LGALS9: variants seen among roughly 807,000 people sequenced by gnomAD.
LGALS9 encodes the protein galectin-9.
A neutral mutation model predicts 35.9 loss-of-function variants in LGALS9; 26 were observed. The observed-to-expected ratio is 0.72, with a 90% CI of 0.53 to 1.01. The LOEUF (loss-of-function observed/expected upper bound fraction) is 1.01. Among genes scored for constraint, LGALS9 ranks in the 50% least tolerant of loss-of-function variants. The pLI, the probability that LGALS9 is intolerant of heterozygous loss-of-function variation, is 0.00. For synonymous variants in LGALS9, 149 were observed against 172.2 expected (o/e 0.87, Z 1.06); for missense variants, 347 against 445.8 (o/e 0.78, Z 1.99).
chr17:27,647,295 AACC>A lies in LGALS9; in HGVS notation c.787_789del (p.His263del), dbSNP rs774695313. On this transcript the variant is annotated inframe_deletion, in exon 10 of 11. Coordinates refer to ENST00000395473, the MANE Select transcript of LGALS9 (RefSeq NM_009587.3). ...GTTCCACATCAACCTGTGCTCTGGGAACCACATCGCCTTCCACCTGAACCCCCG... is the reference window on the plus strand; with the variant it reads ...GTTCCACATCAACCTGTGCTCTGGGAACATCGCCTTCCACCTGAACCCCCG... The A allele has an allele frequency of 3.1e-6, 5 of 1,614,030 alleles. No individual in the cohort carries two copies. The African/African-American group carries it at 5.3e-5, about 17-fold the overall frequency.
intron 10 of LGALS9, 135 bp downstream of exon 10, chr17:27,647,567 G>A (rs1905044516): frequency 2.4e-6 from 3 of 1,253,958 alleles, no homozygotes; most frequent in African/African-American, 1.6e-5. Context: ...AGAGAAGGTG[G>A]CCAACAAATT....
At position 27,631,357 on chromosome 17, in the gene LGALS9, C is replaced by G. The variant is rs189436715; in HGVS notation, c.39+53C>G. ...CTGCCTCAGCCAGAGGGACACAGCTCTGGGGCTCTGAGGAAGCAACTCCTG... is the reference window on the plus strand; with the variant it reads ...CTGCCTCAGCCAGAGGGACACAGCTGTGGGGCTCTGAGGAAGCAACTCCTG... On this transcript the variant is annotated intron_variant, in intron 1 of 10. Coordinates refer to ENST00000395473, the MANE Select transcript of LGALS9 (RefSeq NM_009587.3). 1.9e-6 allele frequency: 3 copies of G among 1,612,952 alleles called. No individual in the cohort carries two copies. The East Asian group carries it at 6.7e-5, about 36-fold the overall frequency.
At chr17:27,640,159 T>C (rs1904357411) in intron 2 of LGALS9, among the ~76,000 whole-genome samples, 7 of 152,186 alleles carry the variant, frequency 4.6e-5, no homozygotes, top group Admixed American at 3.9e-4. Flanking sequence ...ACATGCTCTT[T>C]ACATTTGTTC....
At chr17:27,644,593 A>T (rs892158910) in intron 5 of LGALS9, 2 of 152,366 alleles carry the variant, frequency 1.3e-5, no homozygotes, top group African/African-American at 4.8e-5. Context: ...TCCTCCGGCC[A>T]CTCAAGTAGT....
Position 27,647,277 on chromosome 17 carries a change from A to G in LGALS9, c.766A>G (p.Ile256Val). ...TVLPSAQRFH[I>V]NLCSGNHIAF... ...GTGGGCTGCCCACCCCAGGTTCCAC[A>G]TCAACCTGTGCTCTGGGAACCACAT... The change falls in exon 10 of 11, where the codon ATC becomes GTC. Residue 256 changes from isoleucine to valine, a missense_variant. Ile to Val is a conservative substitution (Grantham distance 29). Transcript: ENST00000395473. The G allele has an allele frequency of 6.2e-7, 1 of 1,614,036 alleles. No individual in the cohort carries two copies. The highest frequency in any genetic ancestry group is 8.5e-7 in the Non-Finnish European group (1 of 1,180,040).
chr17:27,640,365 T>C, intron 2 of LGALS9: 2 of 745,704 alleles, frequency 2.7e-6, no homozygotes, highest in Admixed American at 5.9e-5. Flanking sequence ...TAGCAAATCA[T>C]GCTGTAAAGG....
rs1777078056 is a variant in LGALS9, at chr17:27,640,361, A to G, written c.132-211A>G. 4 of 726,534 alleles carry G rather than the reference A, an allele frequency of 5.5e-6. No individual in the cohort carries two copies. The South Asian group carries it at 5.7e-5, about 10-fold the overall frequency. The allele number at this position is 726,534 out of a possible 1,614,324, so 45.0% of individuals were successfully genotyped here. On this transcript the variant is annotated intron_variant, in intron 2 of 10. Coordinates refer to ENST00000395473, the MANE Select transcript of LGALS9 (RefSeq NM_009587.3). The stretch of plus-strand genomic sequence containing the variant: ...ACCGTTTTCTATTTGCTTTTAGCAA[A>G]TCATGCTGTAAAGGCAAAATCCAAT...
intron 1 of LGALS9, 95 bp downstream of exon 1, chr17:27,631,399 G>A: frequency 6.6e-7 from 1 of 1,514,746 alleles, no homozygotes; most frequent in Non-Finnish European, 9.1e-7. Flanking sequence ...AGGGGATGGG[G>A]GTGGGGGCAT....
At chr17:27,633,602 T>A (rs543719806) in intron 1 of LGALS9, among the ~76,000 whole-genome samples, 1 of 152,364 alleles carries the variant, frequency 6.6e-6, no homozygotes, top group African/African-American at 2.4e-5. Context: ...CAGCTCTGCT[T>A]TCTAGACTTC....
rs1310049207 is a variant in LGALS9 at position 27,648,971 on chromosome 17, G to A, written c.1057G>A (p.Val353Met). 6.2e-7 allele frequency: 1 copy of A among 1,613,986 alleles called. No individual in the cohort carries two copies. The highest frequency in any genetic ancestry group is 2.2e-5 in the East Asian group (1 of 44,882). The change falls in exon 11 of 11, where the codon GTG becomes ATG. Residue 353 changes from valine (V) to methionine (M), a missense_variant. Val to Met is a conservative substitution (Grantham distance 21). Transcript: ENST00000395473. Reference sequence around the variant, plus strand: ...GGGGGGCGACATCCAGCTGACCCATGTGCAGACATAGGCGGCTTCCTGGCC... The same window carrying A: ...GGGGGGCGACATCCAGCTGACCCATATGCAGACATAGGCGGCTTCCTGGCC... ...EVGGDIQLTH[V>M]QT
At chr17:27,643,731 G>C (rs1904706906) in intron 5 of LGALS9, 111 bp downstream of exon 5, 4 of 1,452,180 alleles carry the variant, frequency 2.8e-6, no homozygotes, top group Non-Finnish European at 3.6e-6. Flanking sequence ...GCCGCATCTT[G>C]CCCACCCAAG....
chr17:27,640,461 G>A (rs1336322571), intron 2 of LGALS9, 111 bp from the exon 3 acceptor site: 1 of 1,473,752 alleles, frequency 6.8e-7, no homozygotes, highest in Non-Finnish European at 9.5e-7. Context: ...CTGCCATACA[G>A]GTTGTGTGCA....
intron 1 of LGALS9, among the ~76,000 whole-genome samples, chr17:27,634,141 C>G (rs1361994898): frequency 1.3e-5 from 2 of 152,230 alleles, no homozygotes; most frequent in Admixed American, 1.3e-4. Flanking sequence ...ATCAATGTGT[C>G]AGCAAAGTTG....
At chr17:27,645,985 C>A (rs1440238727) in intron 7 of LGALS9, 74 bp downstream of exon 7, 1 of 1,607,900 alleles carries the variant, frequency 6.2e-7, no homozygotes, top group South Asian at 1.1e-5. Context: ...TCCCTAGAGC[C>A]CTAGAGTCGG....
Position 27,646,591 on chromosome 17 carries a change from A to G in LGALS9, c.669+3A>G. On this transcript the variant is annotated splice_donor_region_variant and intron_variant, in intron 8 of 10. Coordinates refer to ENST00000395473, the MANE Select transcript of LGALS9 (RefSeq NM_009587.3). ...TGATGTACCCCCACCCCGCCTATGT[A>G]AGTGGTTTCTCAGGGAGGGCAGAGG... is the stretch of plus-strand genomic sequence containing the variant. The G allele has an allele frequency of 6.2e-7, 1 of 1,612,614 alleles. No homozygotes were observed. Among genetic ancestry groups the G allele is most frequent in the South Asian group, 1.1e-5 (1 of 91,014 alleles).
intron 7 of LGALS9, 46 bp from the exon 8 acceptor site, chr17:27,646,501 G>T (rs374312795): frequency 6.2e-7 from 1 of 1,611,652 alleles, no homozygotes; most frequent in African/African-American, 1.3e-5. Context: ...GAGTGCTCGC[G>T]CACCCATGTG....
At chr17:27,645,088 G>A in intron 5 of LGALS9, 3 of 747,674 alleles carry the variant, frequency 4.0e-6, no homozygotes, top group Non-Finnish European at 6.6e-6. Context: ...TCTCTCGAGA[G>A]GAACCAGTGG....
chr17:27,646,884 G>A (rs1904988968), intron 8 of LGALS9, 146 bp from the exon 9 acceptor site: 2 of 1,251,702 alleles, frequency 1.6e-6, no homozygotes, highest in South Asian at 3.0e-5. Context: ...ATTAATTTGA[G>A]GAGCACTGGA....
chr17:27,633,519 G>C (rs114977877), intron 1 of LGALS9, among the ~76,000 whole-genome samples: 1 of 152,148 alleles, frequency 6.6e-6, no homozygotes, highest in Non-Finnish European at 1.5e-5. Context: ...TCCCCACTTC[G>C]GGGTCGGGCC....
Sources: allele counts gnomAD v4.1 joint callset (sites outside exome capture counted in the v4.1 genomes callset), GRCh38; gene constraint gnomAD v4.1.1; transcripts MANE v1.5; gene names NCBI Gene and HGNC (gene_info 2026-07-23, HGNC 2026-07-21).